PIAS4: variants seen among roughly 807,000 people sequenced by gnomAD.
The protein encoded by PIAS4 is protein inhibitor of activated STAT 4, also known as E3 SUMO-protein ligase PIAS4.
A neutral mutation model predicts 58.0 loss-of-function variants in PIAS4; 7 were observed. The ratio of observed to expected loss-of-function variants is 0.12; its 90% CI spans 0.07 to 0.23. The LOEUF is 0.23. Among genes scored for constraint, PIAS4 ranks in the 10% least tolerant of loss-of-function variants. PIAS4 has a pLI of 1.00. For synonymous variants in PIAS4, 364 were observed against 312.4 expected (o/e 1.17, Z -1.74); for missense variants, 550 against 709.5 (o/e 0.78, Z 2.55).
rs1304842858 is a variant in PIAS4, at chr19:4,038,125, A to G, written c.*250A>G. On this transcript the variant is annotated 3_prime_UTR_variant, in exon 11 of 11. Coordinates refer to ENST00000262971, the MANE Select transcript of PIAS4 (RefSeq NM_015897.4). The surrounding 1 kb of genome is among the most constrained non-coding windows in gnomAD (Gnocchi z 4.1). ...CAAAAAAGTCAAACTCTTAAAAACA[A>G]GGCCGGCCACCCACACAGCCGCCTC... is the stretch of plus-strand genomic sequence containing the variant. 1.5e-5 allele frequency: 7 copies of G among 465,202 alleles called. No homozygotes were observed. Among genetic ancestry groups the G allele is most frequent in the Middle Eastern group, 5.7e-4 (1 of 1,746 alleles). 28.8% of individuals were successfully genotyped at this position (465,202 alleles called of 1,614,324 possible).
intron 2 of PIAS4, chr19:4,018,380 C>T (rs1459674797): frequency 6.6e-6 from 1 of 152,264 alleles, no homozygotes; most frequent in East Asian, 1.9e-4. Context: ...TATTCATCGT[C>T]AGCAGCATCT....
intron 1 of PIAS4, among the ~76,000 whole-genome samples, chr19:4,009,026 TC>T (rs1383562420): frequency 2.0e-5 from 3 of 152,122 alleles, no homozygotes; most frequent in African/African-American, 7.2e-5. Flanking sequence ...GCTCAGAGTA[TC>T]CCCATTCCAG....
chr19:4,016,880 A>G (rs2040058035), intron 2 of PIAS4, among the ~76,000 whole-genome samples: 6 of 152,092 alleles, frequency 3.9e-5, no homozygotes, highest in Admixed American at 3.9e-4. Context: ...GAACCCGAGA[A>G]TGGTGGGCCC....
chr19:4,033,010 T>C (rs551661016), intron 7 of PIAS4, 90 bp from the exon 8 acceptor site: 1 of 1,009,994 alleles, frequency 9.9e-7, no homozygotes, highest in East Asian at 2.4e-5. Context: ...TTCTGGGAGG[T>C]GGACGTCAGT....
intron 2 of PIAS4, chr19:4,018,517 A>G (rs2040074950): frequency 6.6e-6 from 1 of 152,234 alleles, no homozygotes; most frequent in Non-Finnish European, 1.5e-5. Context: ...CTCACCCCAG[A>G]ACCGGCTCTG....
intron 3 of PIAS4, among the ~76,000 whole-genome samples, chr19:4,025,612 C>G (rs796198296): frequency 8.5e-5 from 13 of 152,272 alleles, no homozygotes; most frequent in African/African-American, 3.1e-4. Context: ...GGGTTCAGAT[C>G]CAGCCGAGCC....
At chr19:4,007,859 C>G (rs1454731759) in intron 1 of PIAS4, 72 bp downstream of exon 1, 2 of 1,128,090 alleles carry the variant, frequency 1.8e-6, no homozygotes, top group Non-Finnish European at 2.2e-6. Context: ...AGGTCGAGGT[C>G]TGCGCCTTCT....
At chr19:4,020,114 C>G (rs1157545297) in intron 2 of PIAS4, among the ~76,000 whole-genome samples, 1 of 152,090 alleles carries the variant, frequency 6.6e-6, no homozygotes, top group Non-Finnish European at 1.5e-5. Context: ...GACGGGGTTT[C>G]ACCATGTTAG....
intron 3 of PIAS4, among the ~76,000 whole-genome samples, chr19:4,025,069 C>T (rs981997999): frequency 5.9e-5 from 9 of 152,216 alleles, no homozygotes; most frequent in African/African-American, 1.7e-4. Context: ...TGGCGGAAGT[C>T]AGGTTTTTTC....
intron 2 of PIAS4, among the ~76,000 whole-genome samples, chr19:4,023,605 C>CTCTG (rs2040132504): frequency 6.6e-6 from 1 of 152,234 alleles, no homozygotes; most frequent in Non-Finnish European, 1.5e-5. Context: ...CCCGCACCAC[C>CTCTG]TCTGTCCGGG....
intron 2 of PIAS4, among the ~76,000 whole-genome samples, chr19:4,017,463 G>A (rs142926659): frequency 7.4e-4 from 113 of 152,232 alleles, no homozygotes; most frequent in African/African-American, 2.6e-3. Context: ...CCTGTTCCCC[G>A]CCCCTCCAGG....
chr19:4,038,981 G>T lies in PIAS4; in HGVS notation c.*1106G>T, dbSNP rs1408375147. The T allele has an allele frequency of 6.6e-6, 1 of 152,352 alleles. No individual in the cohort carries two copies. The highest frequency in any genetic ancestry group is 2.1e-4 in the South Asian group (1 of 4,832). The allele number at this position is 152,352 out of a possible 1,614,324, so 9.4% of individuals were successfully genotyped here. A position where few individuals can be genotyped will look rare whatever the true frequency, so the allele number is the denominator to read the frequency against. ...CTCGCAGGCCCCACCCATGCCCTTG[G>T]CCTCAGGGTCCAACAACTGGGGGAG... On this transcript the variant is annotated 3_prime_UTR_variant, in exon 11 of 11. Transcript: ENST00000262971. This position sits in a 1 kb window ranked among gnomAD's most constrained non-coding sequence, Gnocchi z 4.1.
In PIAS4 at chr19:4,036,666, A is replaced by G. The variant is rs2040295254; in HGVS notation, c.1143-708A>G. On this transcript the variant is annotated intron_variant, in intron 9 of 10. Coordinates refer to ENST00000262971, the MANE Select transcript of PIAS4 (RefSeq NM_015897.4). ...CACACTGTCATACACACACATCTAT[A>G]CAGTCCACACCGTCACACATCCATA... Among the ~76,000 whole-genome samples the G allele has an allele frequency of 1.3e-5, 2 of 149,744 alleles. 1 individual carries two copies. Among genetic ancestry groups the G allele is most frequent in the Admixed American group, 1.3e-4 (2 of 15,148 alleles).
Position 4,039,310 on chromosome 19 carries a change from G to A in PIAS4, c.*1435G>A, listed in dbSNP as rs1036498123. 1 of 152,276 alleles carries A rather than the reference G, an allele frequency of 6.6e-6. No homozygotes were observed. Among genetic ancestry groups the A allele is most frequent in the African/African-American group, 2.4e-5 (1 of 41,472 alleles). 9.4% of individuals were successfully genotyped at this position (152,276 alleles called of 1,614,324 possible). A position where few individuals can be genotyped will look rare whatever the true frequency, so the allele number is the denominator to read the frequency against. ...CTCCCGCCCGCACGGGCAGCTGAAG[G>A]CCGCTGTTTTCTAATATTTGTATTC... is the stretch of plus-strand genomic sequence containing the variant. On this transcript the variant is annotated 3_prime_UTR_variant, in exon 11 of 11. Transcript: ENST00000262971.
chr19:4,035,156 C>T (rs963019415), intron 9 of PIAS4, among the ~76,000 whole-genome samples: 5 of 152,058 alleles, frequency 3.3e-5, no homozygotes, highest in Admixed American at 1.3e-4. Context: ...AGAGAGAGCT[C>T]GGCGGGGCGG....
chr19:4,016,040 G>A (rs757174247), intron 2 of PIAS4, among the ~76,000 whole-genome samples: 36 of 152,224 alleles, frequency 2.4e-4, no homozygotes, highest in Non-Finnish European at 4.1e-4. Context: ...ACAGCGGCCT[G>A]CCTTCCCTCC....
intron 7 of PIAS4, among the ~76,000 whole-genome samples, chr19:4,032,180 C>T (rs940676815): frequency 1.3e-5 from 2 of 151,126 alleles, no homozygotes; most frequent in South Asian, 2.1e-4. Context: ...CATTTCCAGG[C>T]GGAGGAACGT....
chr19:4,031,005 C>T (rs1320842928), intron 7 of PIAS4, among the ~76,000 whole-genome samples: 1 of 152,202 alleles, frequency 6.6e-6, no homozygotes, highest in African/African-American at 2.4e-5. Flanking sequence ...ACCCCCTTCC[C>T]GAATGGTGGC....
In PIAS4 at chr19:4,012,903, G is replaced by A; in HGVS notation, c.28-20G>A. 6.3e-7 allele frequency: 1 copy of A among 1,598,498 alleles called. No individual in the cohort carries two copies. Among genetic ancestry groups the A allele is most frequent in the Non-Finnish European group, 8.5e-7 (1 of 1,169,888 alleles). On this transcript the variant is annotated intron_variant, in intron 1 of 10. Coordinates refer to ENST00000262971, the MANE Select transcript of PIAS4 (RefSeq NM_015897.4). ...TCGCAGCTGTGTCCTCTGAGTGTGT[G>A]TGTGCTTGCTCCTCCTCAGAACATG...
Sources: gnomAD v4.1 joint callset for allele counts (sites outside exome capture counted in the v4.1 genomes callset) on GRCh38, gnomAD v4.1.1 for gene constraint, Gnocchi (gnomAD v3.1) non-coding constraint, MANE v1.5 for transcripts, NCBI Gene and HGNC (gene_info 2026-07-23, HGNC 2026-07-21) for gene names.